CEP112: variants seen among roughly 807,000 people sequenced by gnomAD.
The protein encoded by CEP112 is centrosomal protein of 112 kDa.
A neutral mutation model predicts 153.0 loss-of-function variants in CEP112; 127 were observed. That is an observed-to-expected ratio of 0.83 (90% CI 0.72 to 0.96). CEP112 has a LOEUF of 0.96. CEP112 is among the 40% of genes least tolerant of loss of function. The probability of loss-of-function intolerance (pLI) is 0.00; values close to 1 mark genes in which losing one functional copy is unlikely to be tolerated. For missense variants in CEP112, 1,089 were observed against 1,101.2 expected (o/e 0.99, Z 0.16); for synonymous variants, 358 against 374.4 (o/e 0.96, Z 0.51).
intron 6 of CEP112, among the ~76,000 whole-genome samples, chr17:66,110,931 A>G (rs971866261): frequency 3.3e-5 from 5 of 152,168 alleles, no homozygotes; most frequent in Non-Finnish European, 7.3e-5. Flanking sequence ...TAAACAGACA[A>G]CCTACAGAAT....
intron 13 of CEP112, among the ~76,000 whole-genome samples, chr17:66,029,523 C>T (rs1032325684): frequency 6.6e-6 from 1 of 151,744 alleles, no homozygotes; most frequent in African/African-American, 2.4e-5. Context: ...AGAGTGAGAC[C>T]GTGTCTCTAC....
At chr17:66,149,996 T>C (rs898300440) in intron 4 of CEP112, among the ~76,000 whole-genome samples, 3 of 141,368 alleles carry the variant, frequency 2.1e-5, no homozygotes, top group Non-Finnish European at 4.5e-5. Flanking sequence ...CAGGTTCAAG[T>C]GATTCTCCTG....
In CEP112 at chr17:66,116,192, C is replaced by A. The variant is rs143752815; in HGVS notation, c.642+13554G>T. 8.5e-4 allele frequency among the ~76,000 whole-genome samples: 129 copies of A among 152,302 alleles called. 1 individual carries two copies. Among genetic ancestry groups the A allele is most frequent in the African/African-American group, 3.1e-3 (128 of 41,572 alleles). On this transcript the variant is annotated intron_variant, in intron 6 of 26. Coordinates refer to ENST00000535342, the MANE Select transcript of CEP112 (RefSeq NM_001199165.4). ...CTTACACACTGATGCATTTTATATACCAGCAGATACAGTGCTTACCTATAA... is the reference window on the plus strand; with the variant it reads ...CTTACACACTGATGCATTTTATATAACAGCAGATACAGTGCTTACCTATAA...
intron 20 of CEP112, among the ~76,000 whole-genome samples, chr17:65,859,288 A>G (rs1326223229): frequency 6.6e-6 from 1 of 151,842 alleles, no homozygotes. Context: ...GAAAATACAA[A>G]AAGTAGCTGG....
chr17:66,096,537 T>A (rs1368875217), intron 7 of CEP112, 48 bp downstream of exon 7: 1 of 1,320,618 alleles, frequency 7.6e-7, no homozygotes, highest in Non-Finnish European at 1.1e-6. Context: ...GATTATTTTA[T>A]TTTAAAATAC....
chr17:66,066,176 CAG>C (rs2067110936), intron 10 of CEP112, among the ~76,000 whole-genome samples: 1 of 152,182 alleles, frequency 6.6e-6, no homozygotes, highest in Admixed American at 6.5e-5. Flanking sequence ...CAACTACGGT[CAG>C]AGTTAGCTCA....
At chr17:65,778,943 T>C (rs1045067740) in intron 21 of CEP112, among the ~76,000 whole-genome samples, 2 of 152,072 alleles carry the variant, frequency 1.3e-5, no homozygotes, top group African/African-American at 4.8e-5. Flanking sequence ...GAGCCTATAG[T>C]GAGCTATGAT....
intron 21 of CEP112, among the ~76,000 whole-genome samples, chr17:65,833,758 C>T (rs975980134): frequency 2.0e-5 from 3 of 152,202 alleles, no homozygotes; most frequent in Non-Finnish European, 4.4e-5. Flanking sequence ...TTGGAAGAAC[C>T]AATATCATTA....
rs7212863 is a variant in CEP112 at position 65,919,095 on chromosome 17, C to T, written c.1980+8487G>A. Among the ~76,000 whole-genome samples, 584 of 152,250 alleles carry T rather than the reference C, an allele frequency of 3.8e-3. 3 individuals carry two copies. Among genetic ancestry groups the T allele is most frequent in the African/African-American group, 0.013 (555 of 41,544 alleles). On this transcript the variant is annotated intron_variant, in intron 19 of 26. Transcript: ENST00000535342. ...CAGCAGCAGTGAAAATGAATAGCAC[C>T]CCCCTGGGGGATCTGAGGGCATAGC...
intron 21 of CEP112, chr17:65,826,125 G>T: frequency 1.2e-6 from 2 of 1,613,212 alleles, no homozygotes; most frequent in Non-Finnish European, 1.7e-6. Context: ...GACAGAGGTT[G>T]TCTTGTTCTT....
At chr17:65,955,860 T>C (rs1198486859) in intron 18 of CEP112, among the ~76,000 whole-genome samples, 1 of 152,108 alleles carries the variant, frequency 6.6e-6, no homozygotes, top group Non-Finnish European at 1.5e-5. Flanking sequence ...AAACAATTAC[T>C]ACTAGACCTA....
chr17:66,030,005 G>A lies in CEP112; in HGVS notation c.1237C>T (p.Leu413=), dbSNP rs768980699. The change falls in exon 13 of 27, where the codon CTG becomes TTG. Residue 413 remains leucine (L), a synonymous_variant. Coordinates refer to ENST00000535342, the MANE Select transcript of CEP112 (RefSeq NM_001199165.4). ...TQSTNHMIKE[L]EARVQQLTGE... Reference sequence around the variant, plus strand: ...GTCAGCTGCTGGACACGGGCCTCCAGTTCTTTGATCATGTGGTTCTAAAAG... The same window carrying A: ...GTCAGCTGCTGGACACGGGCCTCCAATTCTTTGATCATGTGGTTCTAAAAG... 1 of 1,613,472 alleles carries A rather than the reference G, an allele frequency of 6.2e-7. No individual in the cohort carries two copies. Among genetic ancestry groups the A allele is most frequent in the African/African-American group, 1.3e-5 (1 of 74,882 alleles).
intron 19 of CEP112, among the ~76,000 whole-genome samples, chr17:65,916,287 G>GTGTATGTATGTA (rs1555711270): frequency 6.8e-6 from 1 of 147,494 alleles, no homozygotes; most frequent in Non-Finnish European, 1.5e-5. Flanking sequence ...GTGTGTGTGT[G>GTGTATGTATGTA]TGTGTATGTG....
At chr17:65,920,139 G>A (rs1299863637) in intron 19 of CEP112, among the ~76,000 whole-genome samples, 1 of 151,662 alleles carries the variant, frequency 6.6e-6, no homozygotes, top group Non-Finnish European at 1.5e-5. Flanking sequence ...GACATCAGGA[G>A]TTCGAGACCA....
Position 66,129,839 on chromosome 17 carries a change from G to GA in CEP112, c.565-17dup. 2 of 1,516,592 alleles carry GA rather than the reference G, an allele frequency of 1.3e-6. No homozygotes were observed. The highest frequency in any genetic ancestry group is 1.8e-6 in the Non-Finnish European group (2 of 1,096,940). The allele number at this position is 1,516,592 out of a possible 1,614,324, so 93.9% of individuals were successfully genotyped here. The stretch of plus-strand genomic sequence containing the variant: ...AATAAACTTCCTGAAATACAAAAGG[G>GA]AAAAAGGAAGAGGAGAGGAAGGAAA... On this transcript the variant is annotated splice_polypyrimidine_tract_variant and intron_variant, in intron 5 of 26. Transcript: ENST00000535342.
chr17:66,174,997 C>A, intron 4 of CEP112, 47 bp downstream of exon 4: 2 of 1,324,766 alleles, frequency 1.5e-6, no homozygotes, highest in Non-Finnish European at 2.0e-6. Flanking sequence ...GTTCCAAAGA[C>A]AGACTAAATG....
intron 1 of CEP112, among the ~76,000 whole-genome samples, chr17:66,188,512 C>T (rs2073035892): frequency 6.6e-6 from 1 of 151,744 alleles, no homozygotes; most frequent in African/African-American, 2.4e-5. Flanking sequence ...CTGGCCCCCC[C>T]TTGCCCTAGA....
intron 1 of CEP112, among the ~76,000 whole-genome samples, chr17:66,187,733 T>C (rs540134548): frequency 1.3e-5 from 2 of 152,210 alleles, no homozygotes; most frequent in East Asian, 3.8e-4. Flanking sequence ...CATTCACCCT[T>C]AAATTTTATT....
Position 65,851,963 on chromosome 17 carries a change from T to C in CEP112, c.2235A>G (p.Lys745=). 6.2e-7 allele frequency: 1 copy of C among 1,614,140 alleles called. No homozygotes were observed. The highest frequency in any genetic ancestry group is 2.2e-5 in the East Asian group (1 of 44,884). ...GAAGACCAAGCTCTACCAGCTGCTG[T>C]TTCCGCTGTGAGTTCACATTGATCA... ...EELINVNSQR[K]QQLVELGLLR... is the part of the protein sequence containing the mutation. The change falls in exon 21 of 27, where the codon AAA becomes AAG. Residue 745 remains lysine, a synonymous_variant. Transcript: ENST00000535342.
Sources: gnomAD v4.1 joint callset for allele counts (sites outside exome capture counted in the v4.1 genomes callset) on GRCh38, gnomAD v4.1.1 for gene constraint, MANE v1.5 for transcripts, NCBI Gene and HGNC (gene_info 2026-07-23, HGNC 2026-07-21) for gene names.